Variants in NKAIN3 observed in about 807,000 individuals in gnomAD.
NKAIN3 encodes sodium/potassium-transporting ATPase subunit beta-1-interacting protein 3.
A neutral mutation model predicts 30.2 loss-of-function variants in NKAIN3; 25 were observed. The ratio of observed to expected loss-of-function variants is 0.83; its 90% CI spans 0.60 to 1.16. The LOEUF (loss-of-function observed/expected upper bound fraction) is 1.16. NKAIN3 is among the 50% of genes most tolerant of loss of function. The probability of loss-of-function intolerance (pLI) is 0.00; values close to 1 mark genes in which losing one functional copy is unlikely to be tolerated. For missense variants in NKAIN3, 225 were observed against 254.1 expected (o/e 0.89, Z 0.78); for synonymous variants, 91 against 89.6 (o/e 1.02, Z -0.09).
chr8:62,579,290 C>T (rs143794704), intron 1 of NKAIN3, among the ~76,000 whole-genome samples: 602 of 152,022 alleles, frequency 4.0e-3, no homozygotes, highest in Non-Finnish European at 7.2e-3. Context: ...AAGAGGTGTA[C>T]CTCTCACTCT....
At chr8:62,863,921 C>G (rs1216178289) in intron 4 of NKAIN3, 2 of 1,199,044 alleles carry the variant, frequency 1.7e-6, no homozygotes, top group South Asian at 1.2e-5. Flanking sequence ...TCCTTTGGCT[C>G]TGGTGGTGTG....
intron 1 of NKAIN3, among the ~76,000 whole-genome samples, chr8:62,516,170 TA>T (rs1412570775): frequency 6.6e-6 from 1 of 152,160 alleles, no homozygotes. Context: ...CAATGTTTTC[TA>T]TATATTCTTC....
chr8:62,426,920 G>A (rs896627805), intron 1 of NKAIN3, among the ~76,000 whole-genome samples: 1 of 151,984 alleles, frequency 6.6e-6, no homozygotes, highest in South Asian at 2.1e-4. Context: ...TGGATAAGGT[G>A]GAAACATGGG....
chr8:62,521,253 T>C (rs1808147469), intron 1 of NKAIN3, among the ~76,000 whole-genome samples: 1 of 151,936 alleles, frequency 6.6e-6, no homozygotes, highest in South Asian at 2.1e-4. Context: ...GGAAAACCCA[T>C]GGGTAGAAAG....
chr8:62,601,262 C>A (rs967788481), intron 3 of NKAIN3, among the ~76,000 whole-genome samples: 1 of 151,830 alleles, frequency 6.6e-6, no homozygotes, highest in East Asian at 1.9e-4. Flanking sequence ...TTTATATTTT[C>A]TTTTTGATAT....
intron 3 of NKAIN3, among the ~76,000 whole-genome samples, chr8:62,598,494 G>A (rs1810899765): frequency 6.6e-6 from 1 of 152,024 alleles, no homozygotes; most frequent in African/African-American, 2.4e-5. Context: ...GACATTTAGT[G>A]GATTTATTTT....
Position 62,322,638 on chromosome 8 carries a change from A to G in NKAIN3, c.54+73511A>G, listed in dbSNP as rs557562200. Among the ~76,000 whole-genome samples, 25 of 152,356 alleles carry G rather than the reference A, an allele frequency of 1.6e-4. 1 individual carries two copies. The Middle Eastern group carries it at 0.01, about 62-fold the overall frequency. On this transcript the variant is annotated intron_variant, in intron 1 of 6. Coordinates refer to ENST00000623646, the MANE Select transcript of NKAIN3 (RefSeq NM_001304533.3). ...AACCATGTTAAATGGGCATCTTCAT[A>G]CAGTTGCTAAATAAATACTATGTGA...
At chr8:62,702,860 A>T (rs1814384515) in intron 3 of NKAIN3, among the ~76,000 whole-genome samples, 1 of 152,228 alleles carries the variant, frequency 6.6e-6, no homozygotes, top group Admixed American at 6.5e-5. Context: ...TAAATTTAAG[A>T]TTCCTTCTGT....
chr8:62,475,783 T>C lies in NKAIN3; in HGVS notation c.55-103756T>C, dbSNP rs547580020. Among the ~76,000 whole-genome samples, 6 of 152,302 alleles carry C rather than the reference T, an allele frequency of 3.9e-5. No homozygotes were observed. The South Asian group carries it at 1.2e-3, about 32-fold the overall frequency. On this transcript the variant is annotated intron_variant, in intron 1 of 6. Transcript: ENST00000623646. ...CAGCCTAGGGGCCCTTGGAAACTCA[T>C]GTTGATATAAAATAAAAATTCTTGC... is the stretch of plus-strand genomic sequence containing the variant.
At chr8:62,806,466 A>C (rs1275355341) in intron 4 of NKAIN3, among the ~76,000 whole-genome samples, 2 of 152,244 alleles carry the variant, frequency 1.3e-5, no homozygotes, top group African/African-American at 4.8e-5. Flanking sequence ...ATGGAATACT[A>C]TGTAGCCATA....
chr8:62,597,911 A>C (rs1353647080), intron 3 of NKAIN3, among the ~76,000 whole-genome samples: 1 of 151,878 alleles, frequency 6.6e-6, no homozygotes, highest in Non-Finnish European at 1.5e-5. Flanking sequence ...TTAACTTTTA[A>C]TTTAGGAAAG....
intron 5 of NKAIN3, among the ~76,000 whole-genome samples, chr8:62,949,774 G>A (rs1338852104): frequency 6.6e-6 from 1 of 151,606 alleles, no homozygotes; most frequent in African/African-American, 2.4e-5. Flanking sequence ...AATAATCAAA[G>A]TACATGGAAC....
chr8:62,943,113 A>G (rs1823013963), intron 5 of NKAIN3, among the ~76,000 whole-genome samples: 1 of 152,186 alleles, frequency 6.6e-6, no homozygotes, highest in African/African-American at 2.4e-5. Context: ...ACAGAGTTGG[A>G]GAAAATCTTT....
chr8:62,990,398 G>A (rs1052171410), intron 5 of NKAIN3: 2 of 1,212,420 alleles, frequency 1.6e-6, no homozygotes, highest in Middle Eastern at 2.8e-4. Context: ...GAAAAGCATA[G>A]GTTTTTTTTT....
intron 3 of NKAIN3, among the ~76,000 whole-genome samples, chr8:62,647,031 G>T (rs1379472964): frequency 1.3e-5 from 2 of 152,080 alleles, no homozygotes; most frequent in African/African-American, 2.4e-5. Flanking sequence ...GACCGTGTGT[G>T]GGTTTTTACA....
chr8:62,878,167 AAG>A (rs1375163205), intron 4 of NKAIN3, among the ~76,000 whole-genome samples: 1 of 152,196 alleles, frequency 6.6e-6, no homozygotes, highest in African/African-American at 2.4e-5. Flanking sequence ...TTAGAATACT[AAG>A]AGGAATTTTT....
intron 3 of NKAIN3, among the ~76,000 whole-genome samples, chr8:62,621,604 A>G (rs1811619937): frequency 6.6e-6 from 1 of 152,088 alleles, no homozygotes. Flanking sequence ...TTTGAAAACC[A>G]TGTCTTAATT....
chr8:62,788,752 T>C (rs1387776074), intron 4 of NKAIN3, among the ~76,000 whole-genome samples: 1 of 151,738 alleles, frequency 6.6e-6, no homozygotes, highest in Non-Finnish European at 1.5e-5. Flanking sequence ...TTTCTACATA[T>C]GGCTAGCCAG....
chr8:62,916,445 C>T (rs1273075979), intron 4 of NKAIN3, among the ~76,000 whole-genome samples: 2 of 152,112 alleles, frequency 1.3e-5, no homozygotes, highest in Non-Finnish European at 2.9e-5. Flanking sequence ...GGGACCATTT[C>T]TTTCTTGTGT....
Sources: gnomAD v4.1 joint callset for allele counts (sites outside exome capture counted in the v4.1 genomes callset) on GRCh38, gnomAD v4.1.1 for gene constraint, MANE v1.5 for transcripts, NCBI Gene and HGNC (gene_info 2026-07-23, HGNC 2026-07-21) for gene names.